The following TRNT1 variants were observed in gnomAD, a reference collection of about 807,000 sequenced individuals.
The protein encoded by TRNT1 is CCA tRNA nucleotidyltransferase 1, mitochondrial.
Under a neutral mutation model 45.6 loss-of-function variants are expected in TRNT1, and 44 were observed. The observed-to-expected ratio is 0.97, with a 90% confidence interval of 0.76 to 1.24. The LOEUF (loss-of-function observed/expected upper bound fraction) is 1.24. Ranked by LOEUF, TRNT1 falls within the 50% of genes most tolerant of loss-of-function variation. The pLI, the probability that TRNT1 is intolerant of heterozygous loss-of-function variation, is 0.00. For missense variants in TRNT1, 633 were observed against 504.4 expected, an observed-to-expected ratio of 1.25 and a Z score of -2.44; for synonymous variants, 201 against 171.4, an observed-to-expected ratio of 1.17 and a Z score of -1.35.
chr3:3,147,540 C>T lies in TRNT1; in HGVS notation c.893C>T (p.Ser298Leu). The part of the protein sequence containing the change: ...FSPKPVTLLA[S>L]LFKVQDDVTK... The stretch of plus-strand genomic sequence containing the variant: ...CCAAAGCCAGTGACTCTTTTGGCCT[C>T]ATTATTCAAAGTACAAGATGATGTC... The change falls in exon 7 of 8, where the codon TCA (serine) becomes TTA (leucine). Residue 298 changes from serine to leucine, a missense_variant. Coordinates refer to ENST00000251607, the MANE Select transcript of TRNT1 (RefSeq NM_182916.3). The T allele has an allele frequency of 6.2e-7, 1 of 1,613,880 alleles. No individual in the cohort carries two copies. Among genetic ancestry groups the T allele is most frequent in the Non-Finnish European group, 8.5e-7 (1 of 1,179,866 alleles).
downstream of TRNT1, chr3:3,152,370 G>A (rs1706626814): frequency 5.9e-6 from 8 of 1,360,246 alleles, no homozygotes; most frequent in Non-Finnish European, 8.2e-6. Context: ...TATAAAGATT[G>A]TGGCAACTCT....
chr3:3,147,853 TA>T lies in TRNT1; in HGVS notation c.1057-51del, dbSNP rs1031802673. ...GTATTTAAATTTTAGGATAAGATTGTAAGTGTATGTTTTCATGTGTGACGAA... is the reference window on the plus strand; with the variant it reads ...GTATTTAAATTTTAGGATAAGATTGTAGTGTATGTTTTCATGTGTGACGAA... On this transcript the variant is annotated intron_variant, in intron 7 of 7. Coordinates refer to ENST00000251607, the MANE Select transcript of TRNT1 (RefSeq NM_182916.3). 5.4e-5 allele frequency: 84 copies of T among 1,563,222 alleles called. No homozygotes were observed. In the Admixed American group the frequency reaches 8.5e-4, roughly 16 times the overall value.
chr3:3,137,569 A>G, intron 3 of TRNT1, 116 bp downstream of exon 3: 9 of 853,586 alleles, frequency 1.1e-5, no homozygotes, highest in South Asian at 5.8e-5. Flanking sequence ...AGTCTCTTCT[A>G]TGCCCGTCAT....
chr3:3,147,953 C>G lies in TRNT1; in HGVS notation c.1104C>G (p.Tyr368Ter), dbSNP rs541757733. 6.2e-7 allele frequency: 1 copy of G among 1,613,906 alleles called. No homozygotes were observed. The highest frequency in any genetic ancestry group is 1.1e-5 in the South Asian group (1 of 91,078). Residue 368 changes from tyrosine to a stop codon, truncating the protein, a stop_gained, in exon 8 of 8, where the codon TAC becomes TAG. Transcript: ENST00000251607. LOFTEE classifies it high-confidence loss of function. ...ATTRVCELLK[Y>*]QGEHCLLKEM... ...CTCGTGTATGTGAACTACTGAAGTA[C>G]CAAGGAGAGCACTGTCTCCTAAAGG...
At chr3:3,127,901 G>C (rs1437346914) in intron 1 of TRNT1, 1 of 152,200 alleles carries the variant, frequency 6.6e-6, no homozygotes, top group African/African-American at 2.4e-5. Flanking sequence ...CCAATAATGA[G>C]ATGCAGATAA....
chr3:3,149,502 A>C (rs1706323548), downstream of TRNT1: 1 of 152,072 alleles, frequency 6.6e-6, no homozygotes, highest in Non-Finnish European at 1.5e-5. Context: ...TTTCAGAGGG[A>C]CAAGGTAACT....
At chr3:3,152,870 A>G, downstream of TRNT1, 2 of 452,290 alleles carry the variant, frequency 4.4e-6, no homozygotes, top group Non-Finnish European at 8.1e-6. Context: ...TAAAGAATAT[A>G]AAACTCAAAT....
rs115305185 is a variant in TRNT1 at position 3,137,089 on chromosome 3, A to G, written c.149-171A>G. On this transcript the variant is annotated intron_variant, in intron 2 of 7. Transcript: ENST00000251607. ...GGTCCTCAGAGGCACTCTCCTGTAGACAAGTCTTTTTACTTCTTTGGGCCT... is the reference window on the plus strand; with the variant it reads ...GGTCCTCAGAGGCACTCTCCTGTAGGCAAGTCTTTTTACTTCTTTGGGCCT... 3.6e-3 allele frequency among the ~76,000 whole-genome samples: 545 copies of G among 152,284 alleles called. 4 individuals carry two copies. The highest frequency in any genetic ancestry group is 0.012 in the African/African-American group (503 of 41,556).
At chr3:3,151,520 G>A (rs1322870785), downstream of TRNT1, among the ~76,000 whole-genome samples, 2 of 151,812 alleles carry the variant, frequency 1.3e-5, no homozygotes, top group Admixed American at 6.6e-5. Flanking sequence ...AAATAAGAAC[G>A]ATTGTCAGAT....
chr3:3,149,840 T>C (rs532480339), downstream of TRNT1: 12 of 152,242 alleles, frequency 7.9e-5, no homozygotes, highest in African/African-American at 2.6e-4. Context: ...TTTAACCTGA[T>C]TAGTTTTAAA....
intron 2 of TRNT1, chr3:3,130,076 A>G (rs1704913278): frequency 1.9e-6 from 2 of 1,076,468 alleles, no homozygotes; most frequent in African/African-American, 1.6e-5. Context: ...GTTGATTCTC[A>G]ATGTTGTCTG....
chr3:3,150,919 C>G (rs369965416), downstream of TRNT1: 7 of 1,613,790 alleles, frequency 4.3e-6, no homozygotes, highest in African/African-American at 1.3e-5. Flanking sequence ...TGTCTGGGAT[C>G]GTGGGCAACA....
chr3:3,147,872 G>C, intron 7 of TRNT1, 34 bp from the exon 8 acceptor site: 1 of 1,587,846 alleles, frequency 6.3e-7, no homozygotes, highest in Non-Finnish European at 8.6e-7. Flanking sequence ...GTTTTCATGT[G>C]TGACGAAACT....
chr3:3,129,658 A>C (rs1460250194), intron 2 of TRNT1, among the ~76,000 whole-genome samples: 1 of 152,248 alleles, frequency 6.6e-6, no homozygotes, highest in African/African-American at 2.4e-5. Context: ...TCACTGGAAA[A>C]GGCAAGAAGT....
chr3:3,143,691 C>G (rs1314369202), intron 4 of TRNT1, among the ~76,000 whole-genome samples: 1 of 106,384 alleles, frequency 9.4e-6, no homozygotes, highest in African/African-American at 2.7e-5. Flanking sequence ...CAGCCTGGCC[C>G]ACTTGCCGAA....
chr3:3,147,081 T>A, intron 6 of TRNT1, among the ~76,000 whole-genome samples: 1 of 152,208 alleles, frequency 6.6e-6, no homozygotes, highest in East Asian at 1.9e-4. Context: ...CACACTTCGG[T>A]AAGCTTGGGC....
intron 3 of TRNT1, among the ~76,000 whole-genome samples, chr3:3,138,788 ATCTTT>A (rs2126019930): frequency 6.6e-6 from 1 of 152,306 alleles, no homozygotes; most frequent in African/African-American, 2.4e-5. Flanking sequence ...CAGATGGAAG[ATCTTT>A]TATTTCTCTT....
downstream of TRNT1, chr3:3,149,252 T>TATAAA (rs1321282672): frequency 1.3e-5 from 2 of 152,030 alleles, no homozygotes; most frequent in African/African-American, 4.8e-5. Context: ...TTAGATGCAT[T>TATAAA]ATAAAATAAT....
chr3:3,144,476 C>G, intron 4 of TRNT1, 108 bp from the exon 5 acceptor site: 1 of 1,072,080 alleles, frequency 9.3e-7, no homozygotes, highest in Non-Finnish European at 1.4e-6. Flanking sequence ...AATAACTGTT[C>G]ACTCTGCTGA....
Sources: allele counts gnomAD v4.1 joint callset (sites outside exome capture counted in the v4.1 genomes callset), GRCh38; gene constraint gnomAD v4.1.1; transcripts MANE v1.5; gene names NCBI Gene and HGNC (gene_info 2026-07-23, HGNC 2026-07-21).